DENND1A: variants seen among roughly 807,000 people sequenced by gnomAD.
The protein encoded by DENND1A is DENN domain containing 1A, also known as DENN domain-containing protein 1A.
In DENND1A, 51 loss-of-function variants were observed where a neutral mutation model predicts 113.7. That is an observed-to-expected ratio of 0.45 (90% CI 0.36 to 0.57). The LOEUF (loss-of-function observed/expected upper bound fraction) is 0.57. DENND1A is among the 20% of genes least tolerant of loss of function. DENND1A has a pLI of 0.00. For synonymous variants in DENND1A, 565 were observed against 570.8 expected, an observed-to-expected ratio of 0.99 and a Z score of 0.14; for missense variants, 1,258 against 1,395.9, an observed-to-expected ratio of 0.90 and a Z score of 1.57.
chr9:123,617,483 T>C (rs2060712416), intron 10 of DENND1A, among the ~76,000 whole-genome samples: 2 of 152,144 alleles, frequency 1.3e-5, no homozygotes, highest in Non-Finnish European at 2.9e-5. Flanking sequence ...GGGTAACCTA[T>C]GCAGGTGGGG....
chr9:123,751,198 C>T (rs1306709686), intron 5 of DENND1A: 3 of 152,036 alleles, frequency 2.0e-5, no homozygotes, highest in African/African-American at 4.8e-5. Flanking sequence ...TTTTTTGCTC[C>T]GTGGAAATGG....
At chr9:123,450,890 T>C (rs1055602010) in intron 17 of DENND1A, 141 bp from the exon 18 acceptor site, 17 of 622,948 alleles carry the variant, frequency 2.7e-5, no homozygotes, top group Non-Finnish European at 4.3e-5. Flanking sequence ...GAAAACATAA[T>C]GGCTATGAAA....
At chr9:123,791,368 T>G (rs540547543) in intron 3 of DENND1A, among the ~76,000 whole-genome samples, 2 of 152,210 alleles carry the variant, frequency 1.3e-5, no homozygotes, top group East Asian at 3.9e-4. Flanking sequence ...CTCATAGAAA[T>G]TTAAGATAAA....
chr9:123,674,440 G>A (rs1005252124), intron 6 of DENND1A, among the ~76,000 whole-genome samples: 4 of 152,148 alleles, frequency 2.6e-5, no homozygotes, highest in East Asian at 3.9e-4. Flanking sequence ...ACTTTTGGAT[G>A]AGAGAAGGTT....
chr9:123,652,325 G>A (rs1267635948), intron 8 of DENND1A: 5 of 503,518 alleles, frequency 9.9e-6, no homozygotes, highest in South Asian at 2.5e-5. Flanking sequence ...TACAGAGGAA[G>A]GAGCCTGAGC....
rs537920980 is a variant in DENND1A at position 123,474,559 on chromosome 9, T to C, written c.994-16662A>G. Among the ~76,000 whole-genome samples, 3 of 152,348 alleles carry C rather than the reference T, an allele frequency of 2.0e-5. No individual in the cohort carries two copies. The South Asian group carries it at 6.2e-4, about 32-fold the overall frequency. On this transcript the variant is annotated intron_variant, in intron 13 of 23. Transcript: ENST00000394215. ...ATAAAGTGATGCTTTGTTACCCACA[T>C]GTATGGCAAATGTCTCTCATTAATG...
intron 2 of DENND1A, among the ~76,000 whole-genome samples, chr9:123,840,524 A>G (rs560207757): frequency 2.0e-5 from 3 of 152,226 alleles, no homozygotes; most frequent in Admixed American, 6.5e-5. Flanking sequence ...CAGAGTTATT[A>G]TAAGTTTTAC....
intron 13 of DENND1A, among the ~76,000 whole-genome samples, chr9:123,528,696 C>T (rs2055045444): frequency 6.6e-6 from 1 of 152,204 alleles, no homozygotes; most frequent in East Asian, 1.9e-4. Context: ...AAGGGAAATG[C>T]TCCCTGTTTT....
intron 18 of DENND1A, among the ~76,000 whole-genome samples, chr9:123,445,080 G>A (rs2132490854): frequency 6.6e-6 from 1 of 152,318 alleles, no homozygotes. Context: ...GTGTTTACTG[G>A]AATCAGAAGC....
rs1339460722 is a variant in DENND1A, at chr9:123,524,082, T to C, written c.993+33488A>G. ...GCATGTCAGGGATGAAAAATACACG[T>C]AACCCAGGGTGCTGCCTTGGTACTG... On this transcript the variant is annotated intron_variant, in intron 13 of 23. Transcript: ENST00000394215. Among the ~76,000 whole-genome samples, 3 of 152,216 alleles carry C rather than the reference T, an allele frequency of 2.0e-5. No homozygotes were observed. The East Asian group carries it at 5.8e-4, about 29-fold the overall frequency.
intron 23 of DENND1A, 125 bp from the exon 24 acceptor site, chr9:123,382,750 C>A (rs987625221): frequency 9.5e-7 from 1 of 1,055,920 alleles, no homozygotes; most frequent in East Asian, 2.6e-5. Context: ...ATCAGCTCCT[C>A]GGACTTGGAA....
chr9:123,820,804 C>A (rs575835921), intron 2 of DENND1A, among the ~76,000 whole-genome samples: 4 of 152,240 alleles, frequency 2.6e-5, no homozygotes, highest in African/African-American at 9.6e-5. Context: ...TTGTTCATAT[C>A]ACAAAATTGA....
At position 123,765,176 on chromosome 9, in the gene DENND1A, T is replaced by C. The variant is rs1256233213; in HGVS notation, c.182+4338A>G. ...TTTGAAATAAAACCGTTTGTTAGGC[T>C]ACTTATGCTGTGATGGATCTTATGG... On this transcript the variant is annotated intron_variant, in intron 4 of 23. Transcript: ENST00000394215. Among the ~76,000 whole-genome samples, 3 of 152,208 alleles carry C rather than the reference T, an allele frequency of 2.0e-5. No individual in the cohort carries two copies. The East Asian group carries it at 5.8e-4, about 29-fold the overall frequency.
chr9:123,776,162 G>A (rs1300310104), intron 3 of DENND1A, among the ~76,000 whole-genome samples: 1 of 152,106 alleles, frequency 6.6e-6, no homozygotes, highest in Admixed American at 6.5e-5. Flanking sequence ...AAGTGTCTGG[G>A]CGCTGTGTAT....
chr9:123,902,542 C>G (rs1289300300), intron 1 of DENND1A, among the ~76,000 whole-genome samples: 1 of 152,158 alleles, frequency 6.6e-6, no homozygotes, highest in Non-Finnish European at 1.5e-5. Context: ...CATTCAACCA[C>G]CTGTGGCAAA....
chr9:123,794,817 G>A (rs1220001735), intron 2 of DENND1A, among the ~76,000 whole-genome samples: 1 of 151,826 alleles, frequency 6.6e-6, no homozygotes, highest in East Asian at 1.9e-4. Flanking sequence ...AAAAGCATGG[G>A]AAAATTAATG....
At chr9:123,715,451 C>A (rs929235802) in intron 5 of DENND1A, among the ~76,000 whole-genome samples, 14 of 152,300 alleles carry the variant, frequency 9.2e-5, no homozygotes, top group African/African-American at 2.9e-4. Flanking sequence ...AACTTCCTTT[C>A]TTCATTCATT....
Position 123,461,622 on chromosome 9 carries a change from T to C in DENND1A, c.994-3725A>G, listed in dbSNP as rs184642862. On this transcript the variant is annotated intron_variant, in intron 13 of 23. Coordinates refer to ENST00000394215, the MANE Select transcript of DENND1A (RefSeq NM_001352964.2). ...GAGGGCCCGATACATTCAAGAGAGT[T>C]TGCAACCAGATTCGTAGATGAGGTA... Among the ~76,000 whole-genome samples the C allele has an allele frequency of 2.5e-3, 383 of 152,244 alleles. 1 individual carries two copies. Among genetic ancestry groups the C allele is most frequent in the Non-Finnish European group, 3.8e-3 (259 of 68,012 alleles).
intron 5 of DENND1A, among the ~76,000 whole-genome samples, chr9:123,718,898 T>G (rs540168009): frequency 6.6e-6 from 1 of 152,210 alleles, no homozygotes; most frequent in Non-Finnish European, 1.5e-5. Flanking sequence ...GCTCCCATAA[T>G]TCCCACATGT....
Sources: allele counts gnomAD v4.1 joint callset (sites outside exome capture counted in the v4.1 genomes callset), GRCh38; gene constraint gnomAD v4.1.1; transcripts MANE v1.5; gene names NCBI Gene and HGNC (gene_info 2026-07-23, HGNC 2026-07-21).